The following C1QTNF2 variants were observed in gnomAD, a reference collection of about 807,000 sequenced individuals.
C1QTNF2 encodes C1q and TNF related 2.
C1QTNF2 carries 15 observed loss-of-function variants against 17.4 expected under a neutral mutation model. That is an observed-to-expected ratio of 0.86 (90% CI 0.58 to 1.33). The LOEUF (loss-of-function observed/expected upper bound fraction) is 1.33. C1QTNF2 is among the 40% of genes most tolerant of loss of function. The pLI is 0.00. For synonymous variants in C1QTNF2, 154 were observed against 163.3 expected, an observed-to-expected ratio of 0.94 and a Z score of 0.44; for missense variants, 381 against 392.3, an observed-to-expected ratio of 0.97 and a Z score of 0.24.
At chr5:160,363,237 G>C (rs1475818364) in intron 1 of C1QTNF2, among the ~76,000 whole-genome samples, 2 of 152,224 alleles carry the variant, frequency 1.3e-5, no homozygotes, top group Non-Finnish European at 2.9e-5. Context: ...ATTGGAAACA[G>C]TCCTCTCCAG....
chr5:160,361,015 C>T (rs866026586), intron 1 of C1QTNF2, among the ~76,000 whole-genome samples: 1 of 152,122 alleles, frequency 6.6e-6, no homozygotes, highest in South Asian at 2.1e-4. Context: ...AGGCTGGTCT[C>T]GAACTCCTGA....
At chr5:160,365,588 C>CAAAGA (rs1000668431) in intron 1 of C1QTNF2, among the ~76,000 whole-genome samples, 1 of 151,614 alleles carries the variant, frequency 6.6e-6, no homozygotes, top group African/African-American at 2.4e-5. Context: ...GCCATCTCTA[C>CAAAGA]AAAGAAAAAA....
rs556727954 is a variant in C1QTNF2, at chr5:160,369,517, T to C, written c.-10+995A>G. Among the ~76,000 whole-genome samples, 281 of 152,122 alleles carry C rather than the reference T, an allele frequency of 1.8e-3. 3 individuals carry two copies. The highest frequency in any genetic ancestry group is 6.4e-3 in the African/African-American group (267 of 41,486). ...GAATGGTGCAGAGGGAGGGCAAAAATAAGGATGTGAGAGGACAGATTTTTA... is the reference window on the plus strand; with the variant it reads ...GAATGGTGCAGAGGGAGGGCAAAAACAAGGATGTGAGAGGACAGATTTTTA... On this transcript the variant is annotated intron_variant, in intron 1 of 2. Transcript: ENST00000652664.
Position 160,370,592 on chromosome 5 carries a change from C to A in C1QTNF2, c.-90G>T, listed in dbSNP as rs773730818. 2 of 1,449,926 alleles carry A rather than the reference C, an allele frequency of 1.4e-6. No homozygotes were observed. The highest frequency in any genetic ancestry group is 1.5e-5 in the African/African-American group (1 of 67,370). 89.8% of individuals were successfully genotyped at this position (1,449,926 alleles called of 1,614,324 possible). A position where few individuals can be genotyped will look rare whatever the true frequency, so the allele number is the denominator to read the frequency against. On this transcript the variant is annotated 5_prime_UTR_variant, in exon 1 of 3. Transcript: ENST00000652664. ...GGCTCCGCGTCCCGGCTTTCCTCAG[C>A]GGCAGCAGCCGGGCAGAGCGTCGGC...
intron 2 of C1QTNF2, among the ~76,000 whole-genome samples, chr5:160,353,047 A>G (rs549282888): frequency 6.6e-6 from 1 of 152,288 alleles, no homozygotes; most frequent in Admixed American, 6.5e-5. Context: ...GTAGTTTGTC[A>G]AAATCAGTGT....
rs570944398 is a variant in C1QTNF2 at position 160,368,405 on chromosome 5, G to A, written c.-10+2107C>T. On this transcript the variant is annotated intron_variant, in intron 1 of 2. Transcript: ENST00000652664. Reference sequence around the variant, plus strand: ...AAATTAGCTGGGTGAGGTGGTGTGCGCCTGTAGTCCCAGCTACTGGGGAGG... The same window carrying A: ...AAATTAGCTGGGTGAGGTGGTGTGCACCTGTAGTCCCAGCTACTGGGGAGG... 2.5e-3 allele frequency among the ~76,000 whole-genome samples: 373 copies of A among 151,916 alleles called. 1 individual carries two copies. Among genetic ancestry groups the A allele is most frequent in the Non-Finnish European group, 4.0e-3 (269 of 67,940 alleles).
chr5:160,349,086 C>A lies in C1QTNF2; in HGVS notation c.*82G>T. The A allele has an allele frequency of 5.3e-6, 8 of 1,508,672 alleles. No homozygotes were observed. Among genetic ancestry groups the A allele is most frequent in the Non-Finnish European group, 7.1e-6 (8 of 1,126,346 alleles). 93.5% of individuals were successfully genotyped at this position (1,508,672 alleles called of 1,614,324 possible). A position where few individuals can be genotyped will look rare whatever the true frequency, so the allele number is the denominator to read the frequency against. On this transcript the variant is annotated 3_prime_UTR_variant, in exon 3 of 3. Coordinates refer to ENST00000652664, the MANE Select transcript of C1QTNF2 (RefSeq NM_031908.6). The surrounding 1 kb of genome is among the most constrained non-coding windows in gnomAD (Gnocchi z 4.3). ...AGAACCGCTCACTCGACCCCCCACCCCCAGCCTACAGTTGTGGGGTCTTGC... is the reference window on the plus strand; with the variant it reads ...AGAACCGCTCACTCGACCCCCCACCACCAGCCTACAGTTGTGGGGTCTTGC...
In C1QTNF2 at chr5:160,353,788, C is replaced by CTTTTTTTTTT. The variant is rs200777932; in HGVS notation, c.244+970_244+979dup. On this transcript the variant is annotated intron_variant, in intron 2 of 2. Coordinates refer to ENST00000652664, the MANE Select transcript of C1QTNF2 (RefSeq NM_031908.6). ...GAGCTTGGCTCTTGGACTTCTCAGG[C>CTTTTTTTTTT]TTTTTTTTTTTTTTTTTTTTTTTTT... Among the ~76,000 whole-genome samples, 8 of 85,974 alleles carry CTTTTTTTTTT rather than the reference C, an allele frequency of 9.3e-5. 1 individual carries two copies. The highest frequency in any genetic ancestry group is 4.1e-4 in the South Asian group (1 of 2,464). 56.4% of individuals were successfully genotyped at this position (85,974 alleles called of 152,430 possible).
rs1170806146 is a variant in C1QTNF2 at position 160,348,955 on chromosome 5, C to T, written c.*213G>A. The T allele has an allele frequency of 3.4e-6, 2 of 583,230 alleles. No individual in the cohort carries two copies. Among genetic ancestry groups the T allele is most frequent in the Non-Finnish European group, 5.9e-6 (2 of 339,478 alleles). 36.1% of individuals were successfully genotyped at this position (583,230 alleles called of 1,614,324 possible). A position where few individuals can be genotyped will look rare whatever the true frequency, so the allele number is the denominator to read the frequency against. Reference sequence around the variant, plus strand: ...AGAGAATAGCATAGTGCCTGTTACACAGTAGATACTTTAAAAAGAAGTGAA... The same window carrying T: ...AGAGAATAGCATAGTGCCTGTTACATAGTAGATACTTTAAAAAGAAGTGAA... On this transcript the variant is annotated 3_prime_UTR_variant, in exon 3 of 3. Coordinates refer to ENST00000652664, the MANE Select transcript of C1QTNF2 (RefSeq NM_031908.6).
intron 1 of C1QTNF2, among the ~76,000 whole-genome samples, chr5:160,358,328 TC>T (rs1764089349): frequency 6.6e-6 from 1 of 152,142 alleles, no homozygotes; most frequent in African/African-American, 2.4e-5. Context: ...ATAGCCCTGC[TC>T]CCAGCTTGTG....
chr5:160,351,926 TTAAAGA>T (rs1181676739), intron 2 of C1QTNF2, among the ~76,000 whole-genome samples: 1 of 151,652 alleles, frequency 6.6e-6, no homozygotes, highest in Non-Finnish European at 1.5e-5. Flanking sequence ...TTTTTTTTTT[TTAAAGA>T]TAGAGTCTCA....
Position 160,354,947 on chromosome 5 carries a change from A to G in C1QTNF2, c.65T>C (p.Phe22Ser), listed in dbSNP as rs751360245. ...GCCTTTCCGGAAGTCCCTGCGAGCAAAGGCGCCAAGCAGTGGGTCAGCAGC... is the reference window on the plus strand; with the variant it reads ...GCCTTTCCGGAAGTCCCTGCGAGCAGAGGCGCCAAGCAGTGGGTCAGCAGC... ...PCAADPLLGA[F>S]ARRDFRKGSP... Residue 22 changes from phenylalanine (F) to serine (S), a missense_variant, in exon 2 of 3, where the codon TTT becomes TCT. Physicochemically the swap from Phe to Ser is radical, Grantham distance 155. Coordinates refer to ENST00000652664, the MANE Select transcript of C1QTNF2 (RefSeq NM_031908.6). The G allele has an allele frequency of 1.9e-6, 3 of 1,595,704 alleles. No individual in the cohort carries two copies. Among genetic ancestry groups the G allele is most frequent in the South Asian group, 1.1e-5 (1 of 87,930 alleles).
At chr5:160,368,020 G>A (rs1764276486) in intron 1 of C1QTNF2, among the ~76,000 whole-genome samples, 1 of 152,144 alleles carries the variant, frequency 6.6e-6, no homozygotes, top group African/African-American at 2.4e-5. Flanking sequence ...CTTTTCCTAG[G>A]TCAATGTTTG....
At chr5:160,362,500 C>G (rs1376375254) in intron 1 of C1QTNF2, among the ~76,000 whole-genome samples, 1 of 152,224 alleles carries the variant, frequency 6.6e-6, no homozygotes, top group Non-Finnish European at 1.5e-5. Flanking sequence ...TGAGTGTGTA[C>G]TGTTTTCCCT....
In C1QTNF2 at chr5:160,349,607, G is replaced by C. The variant is rs756386866; in HGVS notation, c.419C>G (p.Pro140Arg). Residue 140 changes from proline (P) to arginine (R), a missense_variant, in exon 3 of 3, where the codon CCC (proline) becomes CGC (arginine). Physicochemically the swap from Pro to Arg is moderately radical, Grantham distance 103 (BLOSUM62 -2). Coordinates refer to ENST00000652664, the MANE Select transcript of C1QTNF2 (RefSeq NM_031908.6). This position sits in a 1 kb window ranked among gnomAD's most constrained non-coding sequence, Gnocchi z 4.3. ...GGTATGGCCACTGCCACAGCTGCAG[G>C]GGCCTGGGAGGCCTGGCTCCCCCTT... ...GKKGEPGLPG[P>R]CSCGSGHTKS... The C allele has an allele frequency of 1.2e-6, 2 of 1,613,512 alleles. No individual in the cohort carries two copies. The highest frequency in any genetic ancestry group is 1.7e-6 in the Non-Finnish European group (2 of 1,179,914).
intron 1 of C1QTNF2, among the ~76,000 whole-genome samples, chr5:160,359,486 T>C (rs1394878721): frequency 1.3e-5 from 2 of 152,220 alleles, no homozygotes; most frequent in African/African-American, 4.8e-5. Flanking sequence ...AGAAAAGACC[T>C]TGAAGCATAT....
In C1QTNF2 at chr5:160,363,511, C is replaced by A. The variant is rs1490385420; in HGVS notation, c.-10+7001G>T. Among the ~76,000 whole-genome samples, 4 of 152,336 alleles carry A rather than the reference C, an allele frequency of 2.6e-5. No individual in the cohort carries two copies. The East Asian group carries it at 7.7e-4, about 29-fold the overall frequency. Reference sequence around the variant, plus strand: ...ATGAGATCCAAGGACACATCATGATCTAACAAGGTCTCAGAAGCCAGGGGT... The same window carrying A: ...ATGAGATCCAAGGACACATCATGATATAACAAGGTCTCAGAAGCCAGGGGT... On this transcript the variant is annotated intron_variant, in intron 1 of 2. Coordinates refer to ENST00000652664, the MANE Select transcript of C1QTNF2 (RefSeq NM_031908.6).
chr5:160,368,931 G>T (rs1764297447), intron 1 of C1QTNF2, among the ~76,000 whole-genome samples: 1 of 152,120 alleles, frequency 6.6e-6, no homozygotes, highest in South Asian at 2.1e-4. Flanking sequence ...TCCATACAAT[G>T]ACACACTATG....
chr5:160,353,080 C>T lies in C1QTNF2; in HGVS notation c.244+1688G>A, dbSNP rs1187458890. Among the ~76,000 whole-genome samples the T allele has an allele frequency of 3.3e-5, 5 of 152,084 alleles. No homozygotes were observed. In the East Asian group the frequency reaches 5.8e-4, roughly 18 times the overall value. Reference sequence around the variant, plus strand: ...TGTCCAGGTTTGTTTCCAAAGTTCACGTTCTTGCGAGGATGACATTTTGCT... The same window carrying T: ...TGTCCAGGTTTGTTTCCAAAGTTCATGTTCTTGCGAGGATGACATTTTGCT... On this transcript the variant is annotated intron_variant, in intron 2 of 2. Transcript: ENST00000652664.
Sources: allele counts gnomAD v4.1 joint callset (sites outside exome capture counted in the v4.1 genomes callset), GRCh38; gene constraint gnomAD v4.1.1; non-coding constraint Gnocchi (gnomAD v3.1); transcripts MANE v1.5; gene names NCBI Gene and HGNC (gene_info 2026-07-23, HGNC 2026-07-21).